The following PRAG1 variants were observed in gnomAD, a reference collection of about 807,000 sequenced individuals.
PRAG1 encodes the protein PEAK1 related, kinase-activating pseudokinase 1, also known as inactive tyrosine-protein kinase PRAG1.
In PRAG1, 110 loss-of-function variants were observed where a neutral mutation model predicts 95.6. The observed-to-expected ratio is 1.15, with a 90% CI of 0.99 to 1.35. The LOEUF (loss-of-function observed/expected upper bound fraction) is 1.35, where lower values mean the gene tolerates loss of function less well. Ranked by LOEUF, PRAG1 falls within the 40% of genes most tolerant of loss-of-function variation. PRAG1 has a pLI of 0.00. For synonymous variants in PRAG1, 1,052 were observed against 819.4 expected (o/e 1.28, Z -4.85); for missense variants, 2,554 against 1,864.7 (o/e 1.37, Z -6.81).
intron 4 of PRAG1, 73 bp downstream of exon 4, chr8:8,339,405 C>G: frequency 6.6e-7 from 1 of 1,513,698 alleles, no homozygotes; most frequent in Non-Finnish European, 9.1e-7. Flanking sequence ...CCTTCCAATC[C>G]CGCAAGCAAC....
rs753641671 is a variant in PRAG1, at chr8:8,327,826, C to T, written c.2956G>A (p.Glu986Lys). The change falls in exon 5 of 6, where the codon GAG (glutamate) becomes AAG (lysine). Residue 986 changes from glutamate to lysine, a missense_variant. Glu to Lys is a moderately conservative substitution (Grantham distance 56). Coordinates refer to ENST00000615670, the MANE Select transcript of PRAG1 (RefSeq NM_001080826.3). ...GGQKKELHFN[E>K]NNWSLFKLTC... is the part of the protein sequence containing the mutation. ...AGCTTGAAGAGCGACCAGTTATTCT[C>T]ATTGAAGTGGAGCTCCTTTTTCTGG... 8.7e-6 allele frequency: 14 copies of T among 1,614,098 alleles called. No individual in the cohort carries two copies. The East Asian group carries it at 3.1e-4, about 36-fold the overall frequency.
intron 3 of PRAG1, among the ~76,000 whole-genome samples, chr8:8,346,555 T>C (rs772826118): frequency 1.3e-5 from 2 of 152,192 alleles, no homozygotes; most frequent in African/African-American, 2.4e-5. Flanking sequence ...CCATACTATG[T>C]TGGTGGAAAG....
At position 8,377,816 on chromosome 8, in the gene PRAG1, T is replaced by C; in HGVS notation, c.593A>G (p.Gln198Arg). The C allele has an allele frequency of 6.2e-7, 1 of 1,614,046 alleles. No homozygotes were observed. Among genetic ancestry groups the C allele is most frequent in the South Asian group, 1.1e-5 (1 of 91,082 alleles). ...GCTCTCCTGGGTGGAGGGCCGGTCT[T>C]GGTAAGGAAATGAGGGTTTTTCTTT... ...VHKEKPSFPYQDRPSTQESFR... is the reference protein window; with the variant it reads ...VHKEKPSFPYRDRPSTQESFR... The change falls in exon 3 of 6, where the codon CAA becomes CGA. Residue 198 changes from glutamine (Q) to arginine (R), a missense_variant. Coordinates refer to ENST00000615670, the MANE Select transcript of PRAG1 (RefSeq NM_001080826.3).
At position 8,376,446 on chromosome 8, in the gene PRAG1, C is replaced by T; in HGVS notation, c.1963G>A (p.Gly655Arg). ...GTGGGGCCATTTTTGGTCTCTCTTC[C>T]CCAGCTGTGACTCAGCAATTCCTGC... ...VEQELLSHSW[G>R]RETKNGPTDH... The change falls in exon 3 of 6, where the codon GGA (glycine) becomes AGA (arginine). Residue 655 changes from glycine to arginine, a missense_variant. Transcript: ENST00000615670. The T allele has an allele frequency of 6.2e-7, 1 of 1,614,146 alleles. No homozygotes were observed.
intron 4 of PRAG1, among the ~76,000 whole-genome samples, chr8:8,331,745 C>T (rs972817964): frequency 1.3e-5 from 2 of 152,122 alleles, no homozygotes; most frequent in South Asian, 2.1e-4. Context: ...AAAAACCCTT[C>T]GTGTATTCAG....
At chr8:8,376,136 C>T (rs2116931317) in intron 3 of PRAG1, 111 bp downstream of exon 3, 1 of 1,445,542 alleles carries the variant, frequency 6.9e-7, no homozygotes, top group South Asian at 1.4e-5. Flanking sequence ...GCACAAGGGC[C>T]TTTGGGCAGA....
intron 3 of PRAG1, among the ~76,000 whole-genome samples, chr8:8,341,609 TATC>T (rs750894888): frequency 2.6e-5 from 4 of 152,244 alleles, no homozygotes; most frequent in East Asian, 1.9e-4. Flanking sequence ...AAAAAAATCA[TATC>T]ATGTTTCTCC....
intron 5 of PRAG1, among the ~76,000 whole-genome samples, chr8:8,320,617 G>C (rs936148875): frequency 1.3e-5 from 2 of 152,204 alleles, no homozygotes; most frequent in East Asian, 3.8e-4. Flanking sequence ...GAAAGACAAA[G>C]ATCAATGTGT....
At chr8:8,374,591 C>T in intron 3 of PRAG1, 1 of 921,170 alleles carries the variant, frequency 1.1e-6, no homozygotes, top group Non-Finnish European at 1.3e-6. Flanking sequence ...GTTGTTATGT[C>T]TAATTCTTTT....
chr8:8,341,882 C>A (rs148858438), intron 3 of PRAG1, among the ~76,000 whole-genome samples: 3 of 152,102 alleles, frequency 2.0e-5, no homozygotes, highest in African/African-American at 7.2e-5. Context: ...CCTGTAATCC[C>A]AGCACTTTGG....
At position 8,328,436 on chromosome 8, in the gene PRAG1, C is replaced by A. The variant is rs753483464; in HGVS notation, c.2346G>T (p.Ser782=). 1 of 1,613,510 alleles carries A rather than the reference C, an allele frequency of 6.2e-7. No individual in the cohort carries two copies. Among genetic ancestry groups the A allele is most frequent in the Non-Finnish European group, 8.5e-7 (1 of 1,179,988 alleles). The part of the protein sequence containing the change: ...DGGPSSELAH[S]PTNSGKKLFA... ...AGAGCTTCTTCCCGCTGTTGGTGGG[C>A]GAGTGAGCCAGCTCAGACGAGGGAC... Residue 782 remains serine, a synonymous_variant, in exon 5 of 6, where the codon TCG becomes TCT. Transcript: ENST00000615670.
intron 3 of PRAG1, among the ~76,000 whole-genome samples, chr8:8,350,009 T>A (rs1799468911): frequency 6.6e-6 from 1 of 151,850 alleles, no homozygotes; most frequent in Non-Finnish European, 1.5e-5. Context: ...TTTCGGTTAC[T>A]AGTTGGTTTC....
In PRAG1 at chr8:8,367,230, G is replaced by A. The variant is rs183804013; in HGVS notation, c.2162+9017C>T. Among the ~76,000 whole-genome samples the A allele has an allele frequency of 7.9e-5, 12 of 151,582 alleles. No homozygotes were observed. The East Asian group carries it at 1.4e-3, about 17-fold the overall frequency. On this transcript the variant is annotated intron_variant, in intron 3 of 5. Coordinates refer to ENST00000615670, the MANE Select transcript of PRAG1 (RefSeq NM_001080826.3). ...GATCTGTACATAATATAAGAATTAC[G>A]GGTGGATCACATGAGGTCAGGAGTT...
chr8:8,385,757 G>T (rs981662388), intron 1 of PRAG1, among the ~76,000 whole-genome samples: 1 of 152,052 alleles, frequency 6.6e-6, no homozygotes. Context: ...GTGTGTCCCC[G>T]GATACCAGCA....
At position 8,376,673 on chromosome 8, in the gene PRAG1, C is replaced by A. The variant is rs774987560; in HGVS notation, c.1736G>T (p.Gly579Val). The A allele has an allele frequency of 3.1e-6, 5 of 1,611,426 alleles. No homozygotes were observed. The African/African-American group carries it at 6.7e-5, about 22-fold the overall frequency. ...AGGCTGGGGCCCAATGCTGCTGCCG[C>A]CAGAGCTCCCATCACTAAGGTCAGC... The part of the protein sequence containing the change: ...PLADLSDGSS[G>V]GSSIGPQPPS... Residue 579 changes from glycine (G) to valine (V), a missense_variant, in exon 3 of 6, where the codon GGC (glycine) becomes GTC (valine). Coordinates refer to ENST00000615670, the MANE Select transcript of PRAG1 (RefSeq NM_001080826.3).
At chr8:8,335,195 T>TA (rs1282263129) in intron 4 of PRAG1, among the ~76,000 whole-genome samples, 1 of 152,210 alleles carries the variant, frequency 6.6e-6, no homozygotes, top group East Asian at 1.9e-4. Flanking sequence ...TCTAAGGATT[T>TA]ATCTTACAGA....
At chr8:8,370,660 C>CA (rs1448392444) in intron 3 of PRAG1, among the ~76,000 whole-genome samples, 1 of 152,180 alleles carries the variant, frequency 6.6e-6, no homozygotes, top group Non-Finnish European at 1.5e-5. Context: ...ACACTGGAGA[C>CA]AAACACCCAT....
chr8:8,324,502 T>G (rs533974956), intron 5 of PRAG1, among the ~76,000 whole-genome samples: 1 of 150,806 alleles, frequency 6.6e-6, no homozygotes, highest in Non-Finnish European at 1.5e-5. Context: ...CGGAGATCAT[T>G]CCACAGCACT....
intron 3 of PRAG1, among the ~76,000 whole-genome samples, chr8:8,356,122 A>T (rs1388627283): frequency 6.6e-6 from 1 of 152,242 alleles, no homozygotes; most frequent in East Asian, 1.9e-4. Flanking sequence ...AAGGATCTGA[A>T]CAGACATTTA....
Sources: gnomAD v4.1 joint callset for allele counts (sites outside exome capture counted in the v4.1 genomes callset) on GRCh38, gnomAD v4.1.1 for gene constraint, MANE v1.5 for transcripts, NCBI Gene and HGNC (gene_info 2026-07-23, HGNC 2026-07-21) for gene names.